BCKDHB: variants seen among roughly 807,000 people sequenced by gnomAD.
BCKDHB encodes branched chain keto acid dehydrogenase E1 subunit beta.
A neutral mutation model predicts 48.5 loss-of-function variants in BCKDHB; 41 were observed. The ratio of observed to expected loss-of-function variants is 0.85; its 90% CI spans 0.66 to 1.10. The LOEUF (loss-of-function observed/expected upper bound fraction) is 1.10, where lower values mean the gene tolerates loss of function less well. BCKDHB is among the 50% of genes least tolerant of loss of function. The pLI is 0.00. For synonymous variants in BCKDHB, 201 were observed against 174.8 expected, an observed-to-expected ratio of 1.15 and a Z score of -1.18; for missense variants, 496 against 494.2, an observed-to-expected ratio of 1.00 and a Z score of -0.03.
intron 9 of BCKDHB, among the ~76,000 whole-genome samples, chr6:80,342,558 A>G (rs1323314534): frequency 7.5e-6 from 1 of 132,796 alleles, no homozygotes; most frequent in Non-Finnish European, 1.6e-5. Flanking sequence ...TCATTTCTGA[A>G]AAAAAAAAAA....
the BCKDHB span, among the ~76,000 whole-genome samples, chr6:80,400,643 T>C: frequency 6.6e-6 from 1 of 152,010 alleles, no homozygotes; most frequent in Admixed American, 6.6e-5. Context: ...GTTCAACCAT[T>C]GTGGAAAGCA....
chr6:80,129,145 A>C lies in BCKDHB; in HGVS notation c.275-16A>C, dbSNP rs547996740. On this transcript the variant is annotated splice_polypyrimidine_tract_variant and intron_variant, in intron 2 of 9. Coordinates refer to ENST00000320393, the MANE Select transcript of BCKDHB (RefSeq NM_183050.4). ...GATTATTAAATAAAATGTATTATTT[A>C]AATACTGTTTTTCAGTAATATTTGG... 6 of 1,567,228 alleles carry C rather than the reference A, an allele frequency of 3.8e-6. No individual in the cohort carries two copies. In the East Asian group the frequency reaches 6.7e-5, roughly 18 times the overall value.
chr6:80,366,366 A>G, the BCKDHB span, among the ~76,000 whole-genome samples: 3 of 152,238 alleles, frequency 2.0e-5, no homozygotes, highest in Non-Finnish European at 4.4e-5. Flanking sequence ...ATAACTGGAA[A>G]GAAAAAACAC....
At chr6:80,122,627 G>T (rs974385920) in intron 1 of BCKDHB, among the ~76,000 whole-genome samples, 6 of 152,222 alleles carry the variant, frequency 3.9e-5, no homozygotes, top group Middle Eastern at 3.4e-3. Context: ...AAAATTGGAG[G>T]GGGTTTAAAA....
the BCKDHB span, among the ~76,000 whole-genome samples, chr6:80,451,856 A>C: frequency 6.6e-6 from 1 of 152,192 alleles, no homozygotes; most frequent in Non-Finnish European, 1.5e-5. Context: ...TTGGCTCTAT[A>C]CAGTCAATCT....
At chr6:80,416,583 A>G in the BCKDHB span, among the ~76,000 whole-genome samples, 1 of 151,720 alleles carries the variant, frequency 6.6e-6, no homozygotes, top group Admixed American at 6.6e-5. Context: ...ATGTCATTGT[A>G]TGGTTTTGAG....
chr6:80,459,672 A>T, the BCKDHB span, among the ~76,000 whole-genome samples: 1 of 152,186 alleles, frequency 6.6e-6, no homozygotes, highest in African/African-American at 2.4e-5. Flanking sequence ...TTAAAATTAA[A>T]TAGAAGTATT....
chr6:80,236,424 TTTAC>T (rs1444052019), intron 8 of BCKDHB, among the ~76,000 whole-genome samples: 4 of 152,228 alleles, frequency 2.6e-5, no homozygotes, highest in Non-Finnish European at 5.9e-5. Flanking sequence ...TAAATATTCA[TTTAC>T]TTAAATTTAA....
chr6:80,344,872 T>G lies in BCKDHB; in HGVS notation c.*1068T>G, dbSNP rs1427284687. 1 of 152,188 alleles carries G rather than the reference T, an allele frequency of 6.6e-6. No homozygotes were observed. Among genetic ancestry groups the G allele is most frequent in the Non-Finnish European group, 1.5e-5 (1 of 68,036 alleles). 9.4% of individuals were successfully genotyped at this position (152,188 alleles called of 1,614,324 possible). ...CCCCTCAAGCACCGTTAATTTACAT[T>G]CCAGTTATTTACATGATAATTCATG... On this transcript the variant is annotated 3_prime_UTR_variant, in exon 10 of 10. Coordinates refer to ENST00000320393, the MANE Select transcript of BCKDHB (RefSeq NM_183050.4).
intron 1 of BCKDHB, among the ~76,000 whole-genome samples, chr6:80,107,534 T>C (rs1474338834): frequency 7.4e-6 from 1 of 134,608 alleles, no homozygotes; most frequent in South Asian, 2.4e-4. Flanking sequence ...TATATGCATA[T>C]ATATATATGC....
chr6:80,353,283 A>G, the BCKDHB span, among the ~76,000 whole-genome samples: 1 of 152,186 alleles, frequency 6.6e-6, no homozygotes, highest in African/African-American at 2.4e-5. Flanking sequence ...GTATATAATC[A>G]CCATCTTTTC....
At chr6:80,257,937 C>G (rs1777126181) in intron 8 of BCKDHB, among the ~76,000 whole-genome samples, 1 of 151,934 alleles carries the variant, frequency 6.6e-6, no homozygotes, top group African/African-American at 2.4e-5. Context: ...GTTAACACCT[C>G]AACTTAACTA....
chr6:80,159,725 C>T (rs1012607041), intron 3 of BCKDHB, among the ~76,000 whole-genome samples: 5 of 152,194 alleles, frequency 3.3e-5, no homozygotes, highest in African/African-American at 1.2e-4. Context: ...TTATTTATTT[C>T]TGTCTCCCAC....
At chr6:80,136,751 A>G (rs775653357) in intron 3 of BCKDHB, among the ~76,000 whole-genome samples, 3 of 152,048 alleles carry the variant, frequency 2.0e-5, no homozygotes, top group Non-Finnish European at 4.4e-5. Flanking sequence ...CTAAAACTCT[A>G]CAAAAAAAAC....
intron 3 of BCKDHB, among the ~76,000 whole-genome samples, chr6:80,153,674 C>T (rs906940554): frequency 1.3e-5 from 2 of 152,124 alleles, no homozygotes; most frequent in African/African-American, 2.4e-5. Flanking sequence ...CTGATAATAG[C>T]ATTATACATC....
At chr6:80,329,996 A>T (rs976068789) in intron 9 of BCKDHB, among the ~76,000 whole-genome samples, 41 of 152,182 alleles carry the variant, frequency 2.7e-4, no homozygotes, top group African/African-American at 9.7e-4. Flanking sequence ...CCAACATCCT[A>T]AAGGCTCGTG....
At position 80,277,486 on chromosome 6, in the gene BCKDHB, C is replaced by A. The variant is rs556374969; in HGVS notation, c.1038+4265C>A. Among the ~76,000 whole-genome samples, 19 of 151,802 alleles carry A rather than the reference C, an allele frequency of 1.3e-4. 1 individual carries two copies. The South Asian group carries it at 4.0e-3, about 32-fold the overall frequency. ...GTAAATTTTTTTAAGGATTGTAAATCAGCCTTTATTATTAATTTCCAACAC... is the reference window on the plus strand; with the variant it reads ...GTAAATTTTTTTAAGGATTGTAAATAAGCCTTTATTATTAATTTCCAACAC... On this transcript the variant is annotated intron_variant, in intron 9 of 9. Transcript: ENST00000320393.
At chr6:80,121,148 G>A (rs1007140953) in intron 1 of BCKDHB, among the ~76,000 whole-genome samples, 2 of 152,080 alleles carry the variant, frequency 1.3e-5, no homozygotes, top group African/African-American at 4.8e-5. Flanking sequence ...ATTTTTGTCA[G>A]GTTTATTAAA....
intron 1 of BCKDHB, among the ~76,000 whole-genome samples, chr6:80,125,850 A>G (rs752239606): frequency 2.0e-5 from 3 of 152,186 alleles, no homozygotes; most frequent in Non-Finnish European, 2.9e-5. Flanking sequence ...TGTAATAGTA[A>G]TGAAAAAGTT....
Sources: gnomAD v4.1 joint callset for allele counts (sites outside exome capture counted in the v4.1 genomes callset) on GRCh38, gnomAD v4.1.1 for gene constraint, MANE v1.5 for transcripts, NCBI Gene and HGNC (gene_info 2026-07-23, HGNC 2026-07-21) for gene names.